MSRA: variants seen among roughly 807,000 people sequenced by gnomAD.
MSRA encodes mitochondrial peptide methionine sulfoxide reductase.
A neutral mutation model predicts 31.3 loss-of-function variants in MSRA; 54 were observed. The observed-to-expected ratio is 1.73, with a 90% CI of 1.39 to 2.17. MSRA has a LOEUF of 2.17. Among genes scored for constraint, MSRA ranks in the 30% most tolerant of loss-of-function variants. MSRA has a pLI of 0.00. For synonymous variants in MSRA, 169 were observed against 116.5 expected, an observed-to-expected ratio of 1.45 and a Z score of -2.90; for missense variants, 507 against 300.9, an observed-to-expected ratio of 1.69 and a Z score of -5.07.
chr8:10,203,553 C>T (rs1020541438), intron 1 of MSRA, among the ~76,000 whole-genome samples: 1 of 152,188 alleles, frequency 6.6e-6, no homozygotes, highest in African/African-American at 2.4e-5. Flanking sequence ...ACACATTATT[C>T]ATGTATTTTT....
intron 2 of MSRA, among the ~76,000 whole-genome samples, chr8:10,224,983 C>G (rs1236604294): frequency 6.6e-6 from 1 of 152,126 alleles, no homozygotes; most frequent in Non-Finnish European, 1.5e-5. Flanking sequence ...ACTATAAATA[C>G]AAAAATAAGC....
At chr8:10,284,201 T>C (rs992284687) in intron 3 of MSRA, among the ~76,000 whole-genome samples, 6 of 152,260 alleles carry the variant, frequency 3.9e-5, no homozygotes, top group South Asian at 2.1e-4. Flanking sequence ...ATTATTACTT[T>C]TTTTTGAGAC....
chr8:10,111,983 G>C (rs1315506008), intron 1 of MSRA, among the ~76,000 whole-genome samples: 1 of 152,020 alleles, frequency 6.6e-6, no homozygotes, highest in Non-Finnish European at 1.5e-5. Context: ...CTCTTGGTGA[G>C]ATTTATTTAC....
chr8:10,067,874 GTTTTTTTTTT>G (rs71203303), intron 1 of MSRA, among the ~76,000 whole-genome samples: 54 of 49,428 alleles, frequency 1.1e-3, no homozygotes, highest in African/African-American at 2.9e-3. Flanking sequence ...TTCTTACTGA[GTTTTTTTTTT>G]TTTTTTTTTT....
intron 3 of MSRA, among the ~76,000 whole-genome samples, chr8:10,259,201 T>C (rs892499548): frequency 1.3e-5 from 2 of 152,142 alleles, no homozygotes; most frequent in African/African-American, 4.8e-5. Flanking sequence ...ACAAATGGAC[T>C]TAGATCTATG....
At chr8:10,265,891 A>T (rs929973619) in intron 3 of MSRA, among the ~76,000 whole-genome samples, 3 of 152,124 alleles carry the variant, frequency 2.0e-5, no homozygotes, top group Admixed American at 2.0e-4. Flanking sequence ...GGCTTCTTTG[A>T]TTCCACCTGT....
chr8:10,427,064 A>T (rs1809220108), intron 5 of MSRA, among the ~76,000 whole-genome samples: 4 of 152,178 alleles, frequency 2.6e-5, no homozygotes, highest in Admixed American at 2.6e-4. Flanking sequence ...ATCATGCTGA[A>T]TATTAATATT....
chr8:10,138,018 G>A (rs1802417900), intron 1 of MSRA, among the ~76,000 whole-genome samples: 1 of 152,166 alleles, frequency 6.6e-6, no homozygotes, highest in Non-Finnish European at 1.5e-5. Context: ...AGGCAGCAGG[G>A]ATTGGAATGT....
At chr8:10,103,503 G>C (rs1439804194) in intron 1 of MSRA, among the ~76,000 whole-genome samples, 1 of 152,114 alleles carries the variant, frequency 6.6e-6, no homozygotes, top group African/African-American at 2.4e-5. Context: ...AAGTGAAGTG[G>C]CTGTCATAAT....
chr8:10,079,937 T>C (rs188947017), intron 1 of MSRA, among the ~76,000 whole-genome samples: 84 of 152,344 alleles, frequency 5.5e-4, no homozygotes, highest in Non-Finnish European at 9.4e-4. Flanking sequence ...TCCTAGAGGC[T>C]CTTTTTTCCT....
At chr8:10,384,105 A>G (rs1460834919) in intron 5 of MSRA, among the ~76,000 whole-genome samples, 2 of 152,160 alleles carry the variant, frequency 1.3e-5, no homozygotes, top group African/African-American at 4.8e-5. Flanking sequence ...CAGGCCAGCT[A>G]TGTGCCCAGA....
chr8:10,124,161 C>G (rs1285378552), intron 1 of MSRA, among the ~76,000 whole-genome samples: 1 of 152,106 alleles, frequency 6.6e-6, no homozygotes, highest in Non-Finnish European at 1.5e-5. Context: ...AAAGGGGTTT[C>G]AAGACCTTCT....
intron 3 of MSRA, among the ~76,000 whole-genome samples, chr8:10,285,728 G>C (rs1799900341): frequency 6.6e-6 from 1 of 151,772 alleles, no homozygotes. Context: ...CCACGTATGA[G>C]AGAGAACATG....
At chr8:10,064,766 A>G (rs989597799) in intron 1 of MSRA, among the ~76,000 whole-genome samples, 1 of 152,200 alleles carries the variant, frequency 6.6e-6, no homozygotes, top group South Asian at 2.1e-4. Context: ...GTCAAAAGTC[A>G]TGTGTAAAAT....
intron 1 of MSRA, among the ~76,000 whole-genome samples, chr8:10,152,738 G>C (rs1027885032): frequency 6.6e-6 from 1 of 152,228 alleles, no homozygotes; most frequent in Non-Finnish European, 1.5e-5. Flanking sequence ...CACAGCAGCA[G>C]TATTCACAAT....
intron 1 of MSRA, among the ~76,000 whole-genome samples, chr8:10,066,526 C>T (rs1300205361): frequency 6.6e-6 from 1 of 152,054 alleles, no homozygotes; most frequent in Non-Finnish European, 1.5e-5. Context: ...TCCAGTTCAG[C>T]TGATATATCT....
At chr8:10,309,781 A>G (rs768545876) in intron 4 of MSRA, among the ~76,000 whole-genome samples, 9 of 152,102 alleles carry the variant, frequency 5.9e-5, no homozygotes, top group African/African-American at 7.2e-5. Context: ...CTTGGGCTGC[A>G]TGGGCTTCCC....
chr8:10,414,267 C>G (rs1404667330), intron 5 of MSRA, among the ~76,000 whole-genome samples: 1 of 152,204 alleles, frequency 6.6e-6, no homozygotes, highest in Non-Finnish European at 1.5e-5. Flanking sequence ...CTCTGGAAGA[C>G]ACAGTCCCAA....
At chr8:10,173,474 G>A (rs1008598892) in intron 1 of MSRA, among the ~76,000 whole-genome samples, 9 of 152,204 alleles carry the variant, frequency 5.9e-5, no homozygotes, top group African/African-American at 1.9e-4. Context: ...TCTATACTGG[G>A]CCAAGTCTTC....
Sources: allele counts gnomAD v4.1 joint callset (sites outside exome capture counted in the v4.1 genomes callset), GRCh38; gene constraint gnomAD v4.1.1; transcripts MANE v1.5; gene names NCBI Gene and HGNC (gene_info 2026-07-23, HGNC 2026-07-21).